The following GSE1 variants were observed in gnomAD, a reference collection of about 807,000 sequenced individuals.
GSE1 encodes the protein Gse1 coiled-coil protein, also known as genetic suppressor element 1.
GSE1 carries 32 observed loss-of-function variants against 112.6 expected under a neutral mutation model. The ratio of observed to expected loss-of-function variants is 0.28; its 90% CI spans 0.21 to 0.38. The LOEUF is 0.38. Ranked by LOEUF, GSE1 falls within the 10% of genes least tolerant of loss-of-function variation. The pLI is 1.00. For synonymous variants in GSE1, 1,115 were observed against 735.6 expected (o/e 1.52, Z -8.35); for missense variants, 2,348 against 1,699.2 (o/e 1.38, Z -6.71).
chr16:85,438,314 T>C (rs1231727106), intron 2 of GSE1, among the ~76,000 whole-genome samples: 1 of 152,082 alleles, frequency 6.6e-6, no homozygotes, highest in African/African-American at 2.4e-5. Context: ...TCTTTCCGGG[T>C]CTGTGCTGCT....
Position 85,648,703 on chromosome 16 carries a change from C to A in GSE1, c.378C>A (p.Ile126=). 6.2e-7 allele frequency: 1 copy of A among 1,608,518 alleles called. No homozygotes were observed. The stretch of plus-strand genomic sequence containing the variant: ...CCAGCACCCCCCCCGTGGTGACCAT[C>A]GCTCCAACCAAAACCGTGAATGGTG... The part of the protein sequence containing the change: ...SVPSTPPVVT[I]APTKTVNGVW... The change falls in exon 3 of 16, where the codon ATC becomes ATA. Residue 126 remains isoleucine (I), a synonymous_variant. Transcript: ENST00000253458.
rs776672231 is a variant in GSE1, at chr16:85,661,422, G to A, written c.1917G>A (p.Arg639=). 6.2e-7 allele frequency: 1 copy of A among 1,612,222 alleles called. No individual in the cohort carries two copies. The highest frequency in any genetic ancestry group is 8.5e-7 in the Non-Finnish European group (1 of 1,179,678). The change falls in exon 9 of 16, where the codon CGG becomes CGA. Residue 639 remains arginine, a synonymous_variant. Transcript: ENST00000253458. The part of the protein sequence containing the change: ...FCPEKAEEGP[R]KREPAPLDKY... The stretch of plus-strand genomic sequence containing the variant: ...CGGAGAAAGCAGAGGAGGGGCCACG[G>A]AAGCGTGAGCCTGCCCCTCTGGACA...
At chr16:85,506,226 G>A (rs2051531477) in intron 2 of GSE1, among the ~76,000 whole-genome samples, 1 of 152,226 alleles carries the variant, frequency 6.6e-6, no homozygotes, top group African/African-American at 2.4e-5. Context: ...GTCACCGCCA[G>A]CCACATGTGG....
At chr16:85,548,017 G>C (rs1209274328) in intron 2 of GSE1, among the ~76,000 whole-genome samples, 3 of 151,940 alleles carry the variant, frequency 2.0e-5, no homozygotes, top group African/African-American at 7.3e-5. Flanking sequence ...CACGAGGTCA[G>C]GATATCGAGA....
chr16:85,631,138 G>T (rs911683659), intron 1 of GSE1, among the ~76,000 whole-genome samples: 6 of 152,226 alleles, frequency 3.9e-5, no homozygotes, highest in Admixed American at 3.3e-4. Context: ...GTGGGTCCCT[G>T]TGAGGGTGGG....
At chr16:85,173,778 C>T (rs115312976) in intron 1 of GSE1, among the ~76,000 whole-genome samples, 1,560 of 152,276 alleles carry the variant, frequency 0.01, 28 homozygotes, top group African/African-American at 0.035. Context: ...TCCCAGGCAG[C>T]TGGGAAGGGG....
intron 1 of GSE1, among the ~76,000 whole-genome samples, chr16:85,227,717 C>T (rs1256285651): frequency 1.3e-5 from 2 of 152,192 alleles, no homozygotes; most frequent in Non-Finnish European, 2.9e-5. Flanking sequence ...CATTTCAGGG[C>T]AGCCGCAGGC....
intron 1 of GSE1, among the ~76,000 whole-genome samples, chr16:85,235,256 C>T (rs921076980): frequency 6.6e-6 from 1 of 152,060 alleles, no homozygotes; most frequent in Admixed American, 6.5e-5. Context: ...CCCCCGGCCG[C>T]CTCTGGCTGC....
At chr16:85,622,425 G>A (rs936386783) in intron 1 of GSE1, among the ~76,000 whole-genome samples, 1 of 152,186 alleles carries the variant, frequency 6.6e-6, no homozygotes, top group Non-Finnish European at 1.5e-5. Context: ...TCATATTGGG[G>A]AGGGTGTTCA....
chr16:85,562,549 G>C (rs1208425154), intron 1 of GSE1, among the ~76,000 whole-genome samples: 1 of 152,252 alleles, frequency 6.6e-6, no homozygotes, highest in Non-Finnish European at 1.5e-5. Flanking sequence ...TCCGGGGCAA[G>C]AATGCGTGTC....
chr16:85,189,624 C>G (rs190047694), intron 1 of GSE1, among the ~76,000 whole-genome samples: 226 of 152,330 alleles, frequency 1.5e-3, no homozygotes, highest in African/African-American at 5.2e-3. Flanking sequence ...AAAACCTGTT[C>G]CAGTTGGTAA....
chr16:85,628,198 C>T (rs1042614716), intron 1 of GSE1, among the ~76,000 whole-genome samples: 8 of 152,272 alleles, frequency 5.3e-5, no homozygotes, highest in Admixed American at 1.3e-4. Context: ...TGCACACATA[C>T]TGAGGAGCAG....
chr16:85,437,318 C>T (rs912673941), intron 2 of GSE1, among the ~76,000 whole-genome samples: 1 of 152,124 alleles, frequency 6.6e-6, no homozygotes, highest in Non-Finnish European at 1.5e-5. Flanking sequence ...GCCGAGGAGG[C>T]CTTTTTACAT....
chr16:85,577,736 T>A (rs1301688731), intron 1 of GSE1, among the ~76,000 whole-genome samples: 1 of 152,184 alleles, frequency 6.6e-6, no homozygotes, highest in Non-Finnish European at 1.5e-5. Context: ...CTGATGTTTC[T>A]TTCTACCCTT....
intron 2 of GSE1, among the ~76,000 whole-genome samples, chr16:85,398,215 G>T (rs1349577332): frequency 6.6e-5 from 10 of 152,340 alleles, no homozygotes; most frequent in Middle Eastern, 3.4e-3. Flanking sequence ...TGAGCACTGG[G>T]TGAGATGAAG....
intron 1 of GSE1, among the ~76,000 whole-genome samples, chr16:85,240,257 C>T (rs116048096): frequency 6.6e-6 from 1 of 152,222 alleles, no homozygotes; most frequent in Non-Finnish European, 1.5e-5. Context: ...TTCCCTCCTC[C>T]CCAGTCATTA....
chr16:85,435,058 T>C (rs1486016418), intron 2 of GSE1, among the ~76,000 whole-genome samples: 3 of 152,246 alleles, frequency 2.0e-5, no homozygotes, highest in Non-Finnish European at 4.4e-5. Context: ...CTTGATGCGC[T>C]TAATCATTTT....
intron 2 of GSE1, among the ~76,000 whole-genome samples, chr16:85,636,895 A>AC (rs1192978048): frequency 6.6e-6 from 1 of 151,916 alleles, no homozygotes; most frequent in African/African-American, 2.4e-5. Context: ...GACAGTGGGG[A>AC]CATGTGGACC....
upstream of GSE1, chr16:85,555,059 T>C (rs2045131713): frequency 6.1e-6 from 6 of 985,258 alleles, no homozygotes; most frequent in Middle Eastern, 1.0e-3. Context: ...ATTATCGCCC[T>C]GCGAAGCATG....
Sources: gnomAD v4.1 joint callset for allele counts (sites outside exome capture counted in the v4.1 genomes callset) on GRCh38, gnomAD v4.1.1 for gene constraint, MANE v1.5 for transcripts, NCBI Gene and HGNC (gene_info 2026-07-23, HGNC 2026-07-21) for gene names.